Variants in ARG2 observed in about 807,000 individuals in gnomAD.
ARG2 encodes arginase-2, mitochondrial.
ARG2 carries 21 observed loss-of-function variants against 39.4 expected under a neutral mutation model. The ratio of observed to expected loss-of-function variants is 0.53; its 90% CI spans 0.38 to 0.77. The LOEUF (loss-of-function observed/expected upper bound fraction) is 0.77. ARG2 is among the 30% of genes least tolerant of loss of function. ARG2 has a pLI of 0.00. For synonymous variants in ARG2, 150 were observed against 156.7 expected (o/e 0.96, Z 0.32); for missense variants, 378 against 426.2 (o/e 0.89, Z 1.00).
intron 1 of ARG2, 39 bp from the exon 2 acceptor site, chr14:67,620,847 TCCGACACC>T (rs1258036584): frequency 6.2e-7 from 1 of 1,607,730 alleles, no homozygotes. Flanking sequence ...TGGGTTTTTT[TCCGACACC>T]TTCTCTACCT....
At chr14:67,632,356 A>G (rs2036926751) in intron 2 of ARG2, among the ~76,000 whole-genome samples, 2 of 152,338 alleles carry the variant, frequency 1.3e-5, no homozygotes, top group South Asian at 2.1e-4. Flanking sequence ...ATCATCACCA[A>G]TACGTGGCAA....
chr14:67,629,195 G>T (rs943130980), intron 2 of ARG2, among the ~76,000 whole-genome samples: 9 of 152,088 alleles, frequency 5.9e-5, no homozygotes, highest in African/African-American at 2.2e-4. Flanking sequence ...AATTAGCCAG[G>T]TGTGGTGGTG....
At position 67,651,474 on chromosome 14, in the gene ARG2, T is replaced by C. The variant is rs368386202; in HGVS notation, c.*554T>C. On this transcript the variant is annotated 3_prime_UTR_variant, in exon 8 of 8. Coordinates refer to ENST00000261783, the MANE Select transcript of ARG2 (RefSeq NM_001172.4). ...ATAATGGAAAGCAGCAGCTTGTTGG[T>C]TGTCACTCTACAAAGAGAAGCAAAG... 9.9e-6 allele frequency: 16 copies of C among 1,613,604 alleles called. 1 individual carries two copies. The highest frequency in any genetic ancestry group is 5.5e-5 in the South Asian group (5 of 91,066).
chr14:67,619,922 T>G lies in ARG2; in HGVS notation c.-56T>G. On this transcript the variant is annotated 5_prime_UTR_variant, in exon 1 of 8. Transcript: ENST00000261783. ...AGCAGCGGCGGGCGGTGGCGCTCAC[T>G]CCCGGCTTCCAACCGCGCGGAGCCT... The G allele has an allele frequency of 1.6e-6, 2 of 1,248,840 alleles. No homozygotes were observed. Among genetic ancestry groups the G allele is most frequent in the South Asian group, 3.0e-5 (2 of 66,290 alleles). 77.4% of individuals were successfully genotyped at this position (1,248,840 alleles called of 1,614,324 possible).
chr14:67,646,395 G>A (rs930356538), intron 4 of ARG2: 2 of 474,012 alleles, frequency 4.2e-6, no homozygotes, highest in African/African-American at 2.0e-5. Flanking sequence ...GTAAGTTAAT[G>A]AGAAACCAAG....
At chr14:67,626,307 G>C (rs1332013236) in intron 2 of ARG2, among the ~76,000 whole-genome samples, 6 of 151,956 alleles carry the variant, frequency 3.9e-5, no homozygotes, top group African/African-American at 1.4e-4. Context: ...ACACCCACTA[G>C]GATGGCTATG....
At chr14:67,625,536 C>T (rs372141043) in intron 2 of ARG2, among the ~76,000 whole-genome samples, 35 of 151,780 alleles carry the variant, frequency 2.3e-4, no homozygotes, top group East Asian at 1.6e-3. Context: ...AAAAATTAGC[C>T]GGGCATGGTG....
Position 67,626,702 on chromosome 14 carries a change from C to T in ARG2, c.184+5736C>T, listed in dbSNP as rs373357798. ...CTCGAACTCCTAGCCTCAAGTGATC[C>T]ACCTGCCTCAGCCTCCCAAAGTGCT... On this transcript the variant is annotated intron_variant, in intron 2 of 7. Coordinates refer to ENST00000261783, the MANE Select transcript of ARG2 (RefSeq NM_001172.4). Among the ~76,000 whole-genome samples, 6 of 152,264 alleles carry T rather than the reference C, an allele frequency of 3.9e-5. No homozygotes were observed. The East Asian group carries it at 5.8e-4, about 15-fold the overall frequency.
intron 3 of ARG2, 100 bp from the exon 4 acceptor site, chr14:67,645,543 T>C (rs544731168): frequency 7.3e-7 from 1 of 1,370,762 alleles, no homozygotes; most frequent in East Asian, 2.3e-5. Context: ...GCCCTGGCTT[T>C]GCACTGTGGA....
intron 2 of ARG2, among the ~76,000 whole-genome samples, chr14:67,640,391 G>A (rs1412629965): frequency 2.0e-5 from 3 of 152,166 alleles, no homozygotes; most frequent in African/African-American, 7.2e-5. Context: ...AAAAGAATAG[G>A]ACAAAGTTTT....
At position 67,646,709 on chromosome 14, in the gene ARG2, T is replaced by A; in HGVS notation, c.588T>A (p.Ile196=). Residue 196 remains isoleucine (I), a synonymous_variant, in exon 5 of 8, where the codon ATT becomes ATA. Transcript: ENST00000261783. ...TCTCTTCTGCAAGTATTGTGTATATTGGTCTGAGAGACGTGGACCCTCCTG... is the reference window on the plus strand; with the variant it reads ...TCTCTTCTGCAAGTATTGTGTATATAGGTCTGAGAGACGTGGACCCTCCTG... ...PCISSASIVY[I]GLRDVDPPEH... The A allele has an allele frequency of 1.2e-6, 2 of 1,613,844 alleles. No homozygotes were observed. Among genetic ancestry groups the A allele is most frequent in the Non-Finnish European group, 1.7e-6 (2 of 1,179,750 alleles).
chr14:67,650,027 C>T (rs2037151551), intron 7 of ARG2: 1 of 152,100 alleles, frequency 6.6e-6, no homozygotes, highest in South Asian at 2.1e-4. Context: ...AGTTCTCAAA[C>T]CTTAACAGAA....
intron 3 of ARG2, among the ~76,000 whole-genome samples, chr14:67,643,723 G>T (rs1461674568): frequency 6.6e-6 from 1 of 152,040 alleles, no homozygotes; most frequent in Non-Finnish European, 1.5e-5. Flanking sequence ...AAATAGAGCT[G>T]GGATTCAAAT....
intron 2 of ARG2, among the ~76,000 whole-genome samples, chr14:67,633,856 G>T (rs1423804370): frequency 6.6e-6 from 1 of 152,056 alleles, no homozygotes; most frequent in African/African-American, 2.4e-5. Flanking sequence ...CTTATTCCTG[G>T]CTAATGTCTT....
At chr14:67,622,779 T>TA (rs946460598) in intron 2 of ARG2, among the ~76,000 whole-genome samples, 17 of 152,352 alleles carry the variant, frequency 1.1e-4, no homozygotes, top group Admixed American at 6.5e-5. Flanking sequence ...CAAATTGCTC[T>TA]ACCGTCTGTA....
At chr14:67,646,769 G>T in intron 5 of ARG2, 31 bp downstream of exon 5, 2 of 1,550,696 alleles carry the variant, frequency 1.3e-6, no homozygotes, top group Non-Finnish European at 8.9e-7. Context: ...GAAGTTTAGG[G>T]CCTGTCCTAG....
At chr14:67,647,762 G>A (rs1427858144) in intron 6 of ARG2, 2 of 327,720 alleles carry the variant, frequency 6.1e-6, no homozygotes, top group Non-Finnish European at 1.1e-5. Context: ...ATTAGTATAA[G>A]AGGTTCTAAT....
At chr14:67,631,691 C>CA (rs1250924098) in intron 2 of ARG2, among the ~76,000 whole-genome samples, 1 of 152,132 alleles carries the variant, frequency 6.6e-6, no homozygotes, top group Non-Finnish European at 1.5e-5. Context: ...CTTGGCCTTC[C>CA]AAAGTGTTGG....
chr14:67,642,788 A>ATTTTTTT (rs1169208904), intron 3 of ARG2, among the ~76,000 whole-genome samples: 4 of 33,724 alleles, frequency 1.2e-4, no homozygotes, highest in Admixed American at 4.2e-4. Context: ...ATGTTACTAC[A>ATTTTTTT]TTTTCTTTTT....
Sources: gnomAD v4.1 joint callset for allele counts (sites outside exome capture counted in the v4.1 genomes callset) on GRCh38, gnomAD v4.1.1 for gene constraint, MANE v1.5 for transcripts, NCBI Gene and HGNC (gene_info 2026-07-23, HGNC 2026-07-21) for gene names.